Variants in ZNF335 observed in about 807,000 individuals in gnomAD.
ZNF335 encodes NRC-interacting factor 1.
ZNF335 carries 84 observed loss-of-function variants against 145.6 expected under a neutral mutation model. The ratio of observed to expected loss-of-function variants is 0.58; its 90% CI spans 0.48 to 0.69. The LOEUF is 0.69. Ranked by LOEUF, ZNF335 falls within the 30% of genes least tolerant of loss-of-function variation. ZNF335 has a pLI of 0.00. For missense variants in ZNF335, 1,865 were observed against 1,809.7 expected, an observed-to-expected ratio of 1.03 and a Z score of -0.55; for synonymous variants, 761 against 717.0, an observed-to-expected ratio of 1.06 and a Z score of -0.98.
chr20:45,962,027 A>C (rs1600537381), intron 10 of ZNF335, 43 bp downstream of exon 10: 2 of 1,170,026 alleles, frequency 1.7e-6, no homozygotes, highest in Non-Finnish European at 2.5e-6. Context: ...TCCCCACCCA[A>C]CCTGGCCTCT....
Position 45,950,316 on chromosome 20 carries a change from C to T in ZNF335, c.3390G>A (p.Gly1130=). The change falls in exon 22 of 28, where the codon GGG becomes GGA. Residue 1130 remains glycine (G), a synonymous_variant. Transcript: ENST00000322927. The stretch of plus-strand genomic sequence containing the variant: ...GGGCTGTAGGGGTTCCTGACTTCCT[C>T]CCATCAGGACTGTGCAGCCGCTGGA... The part of the protein sequence containing the change: ...FHIQRLHSPD[G]RKSGTPTARA... 6.4e-7 allele frequency: 1 copy of T among 1,566,950 alleles called. No homozygotes were observed. Among genetic ancestry groups the T allele is most frequent in the Non-Finnish European group, 8.7e-7 (1 of 1,154,098 alleles).
At chr20:45,960,062 G>A in intron 14 of ZNF335, 146 bp downstream of exon 14, 1 of 980,590 alleles carries the variant, frequency 1.0e-6, no homozygotes, top group Non-Finnish European at 1.5e-6. Context: ...TACGCCTATG[G>A]GAAATTCTCT....
chr20:45,950,769 G>T (rs1310511883), intron 20 of ZNF335, among the ~76,000 whole-genome samples, 174 bp from the exon 21 acceptor site: 1 of 152,226 alleles, frequency 6.6e-6, no homozygotes, highest in African/African-American at 2.4e-5. Context: ...CGTATCTGGT[G>T]CTGCTGTGTC....
At chr20:45,962,547 C>T (rs1013582356) in intron 9 of ZNF335, among the ~76,000 whole-genome samples, 16 of 152,318 alleles carry the variant, frequency 1.1e-4, no homozygotes, top group Middle Eastern at 6.8e-3. Context: ...ACCCACATAA[C>T]AGCCCACAGC....
chr20:45,952,824 G>C, intron 18 of ZNF335, 115 bp from the exon 19 acceptor site: 2 of 876,992 alleles, frequency 2.3e-6, no homozygotes, highest in Non-Finnish European at 3.5e-6. Flanking sequence ...CAAGTCAGAA[G>C]GGCCCAGGGT....
intron 10 of ZNF335, 102 bp from the exon 11 acceptor site, chr20:45,960,984 G>A (rs2083833351): frequency 1.3e-6 from 2 of 1,485,742 alleles, no homozygotes; most frequent in Non-Finnish European, 1.8e-6. Context: ...CCTACTCCCT[G>A]CCAAGGCCCC....
rs1568806872 is a variant in ZNF335, at chr20:45,952,198, G to A, written c.3138C>T (p.Ala1046=). The change falls in exon 20 of 28, where the codon GCC becomes GCT. Residue 1046 remains alanine (A), a synonymous_variant. Transcript: ENST00000322927. The part of the protein sequence containing the change: ...SHKRAHAGPG[A]FKCPDCPFSA... ...TGAAGGGGCAGTCGGGGCACTTGAA[G>A]GCACCAGGCCCAGCGTGGGCCCGCT... is the stretch of plus-strand genomic sequence containing the variant. 1 of 1,612,202 alleles carries A rather than the reference G, an allele frequency of 6.2e-7. No individual in the cohort carries two copies. Among genetic ancestry groups the A allele is most frequent in the Non-Finnish European group, 8.5e-7 (1 of 1,179,360 alleles).
In ZNF335 at chr20:45,965,669, G is replaced by C. The variant is rs775525385; in HGVS notation, c.1061C>G (p.Pro354Arg). Reference protein sequence around the residue: ...TPRPRRRPGRPRKLPRLEISD... With the variant: ...TPRPRRRPGRRRKLPRLEISD... Reference sequence around the variant, plus strand: ...GATCTCCAGGCGGGGCAGCTTCCGGGGCCGGCCAGGTCTCCTTCGGGGCCT... The same window carrying C: ...GATCTCCAGGCGGGGCAGCTTCCGGCGCCGGCCAGGTCTCCTTCGGGGCCT... Residue 354 changes from proline (P) to arginine (R), a missense_variant, in exon 7 of 28, where the codon CCC (proline) becomes CGC (arginine). Coordinates refer to ENST00000322927, the MANE Select transcript of ZNF335 (RefSeq NM_022095.4). 6.3e-7 allele frequency: 1 copy of C among 1,599,448 alleles called. No individual in the cohort carries two copies.
At chr20:45,958,890 A>G (rs1229061248) in intron 15 of ZNF335, among the ~76,000 whole-genome samples, 1 of 152,200 alleles carries the variant, frequency 6.6e-6, no homozygotes, top group East Asian at 1.9e-4. Flanking sequence ...CTGGGCAAAG[A>G]TACTGAGAAC....
chr20:45,967,774 G>C lies in ZNF335; in HGVS notation c.774C>G (p.Ala258=), dbSNP rs750368360. 1.2e-6 allele frequency: 2 copies of C among 1,613,368 alleles called. No individual in the cohort carries two copies. Among genetic ancestry groups the C allele is most frequent in the East Asian group, 4.5e-5 (2 of 44,888 alleles). The change falls in exon 5 of 28, where the codon GCC becomes GCG. Residue 258 remains alanine, a synonymous_variant. Coordinates refer to ENST00000322927, the MANE Select transcript of ZNF335 (RefSeq NM_022095.4). ...GTTCCCGCATGTGGCGCAGCAGTGT[G>C]GCCTTGGTGCTGCTCCGGTACTGGC... ...KMCQYRSSTK[A]TLLRHMRERH... is the part of the protein sequence containing the mutation.
chr20:45,950,745 G>A (rs1272317913), intron 20 of ZNF335, 150 bp from the exon 21 acceptor site: 4 of 980,154 alleles, frequency 4.1e-6, no homozygotes, highest in African/African-American at 1.6e-5. Context: ...TGGGTAGAAA[G>A]GCCAAGCCGG....
chr20:45,950,684 C>G, intron 20 of ZNF335, 89 bp from the exon 21 acceptor site: 3 of 1,567,714 alleles, frequency 1.9e-6, no homozygotes, highest in Non-Finnish European at 2.6e-6. Context: ...GGTCAGGGAA[C>G]CAGACAAAGT....
Position 45,959,350 on chromosome 20 carries a change from C to A in ZNF335, c.2104G>T (p.Ala702Ser). The A allele has an allele frequency of 6.3e-7, 1 of 1,583,878 alleles. No individual in the cohort carries two copies. The highest frequency in any genetic ancestry group is 2.4e-5 in the East Asian group (1 of 42,538). The change falls in exon 15 of 28, where the codon GCA becomes TCA. Residue 702 changes from alanine (A) to serine (S), a missense_variant. Coordinates refer to ENST00000322927, the MANE Select transcript of ZNF335 (RefSeq NM_022095.4). ...CTCCCCCATTCCTCGAAGCTGCTTGCGTGTCGGCACCGTACGTGCAGGCGC... is the reference window on the plus strand; with the variant it reads ...CTCCCCCATTCCTCGAAGCTGCTTGAGTGTCGGCACCGTACGTGCAGGCGC... ...NLRLHVRCRH[A>S]SSFEEWGRRH...
intron 6 of ZNF335, 42 bp downstream of exon 6, chr20:45,967,452 A>T (rs748796353): frequency 6.2e-7 from 1 of 1,613,848 alleles, no homozygotes; most frequent in Non-Finnish European, 8.5e-7. Flanking sequence ...GTATGTCTAG[A>T]TGGGCATAGG....
At position 45,950,333 on chromosome 20, in the gene ZNF335, G is replaced by A. The variant is rs2083607684; in HGVS notation, c.3373C>T (p.Leu1125=). ...GACTTCCTCCCATCAGGACTGTGCA[G>A]CCGCTGGATGTGGAACTTGAGGTGC... ...NGHLKFHIQR[L]HSPDGRKSGT... Residue 1125 remains leucine, a synonymous_variant, in exon 22 of 28, where the codon CTG becomes TTG. Transcript: ENST00000322927. 1.3e-6 allele frequency: 2 copies of A among 1,581,946 alleles called. No homozygotes were observed. Among genetic ancestry groups the A allele is most frequent in the Non-Finnish European group, 1.7e-6 (2 of 1,161,680 alleles).
Position 45,960,649 on chromosome 20 carries a change from C to T in ZNF335, c.1749G>A (p.Thr583=), listed in dbSNP as rs201141798. ...ACATGTGGGGCTTCTCAGTGCTGTGCGTCTTCATGTGCTGCGTGAGTCTTT... is the reference window on the plus strand; with the variant it reads ...ACATGTGGGGCTTCTCAGTGCTGTGTGTCTTCATGTGCTGCGTGAGTCTTT... ...MQKRLTQHMK[T]HSTEKPHMCD... The change falls in exon 12 of 28, where the codon ACG becomes ACA. Residue 583 remains threonine, a synonymous_variant. Transcript: ENST00000322927. 4.2e-5 allele frequency: 68 copies of T among 1,613,968 alleles called. No homozygotes were observed. Among genetic ancestry groups the T allele is most frequent in the Non-Finnish European group, 5.6e-5 (66 of 1,180,026 alleles).
rs2083794541 is a variant in ZNF335 at position 45,959,535 on chromosome 20, C to G, written c.2021-102G>C. 9.1e-6 allele frequency: 8 copies of G among 877,696 alleles called. No individual in the cohort carries two copies. The Admixed American group carries it at 2.8e-4, about 31-fold the overall frequency. The allele number at this position is 877,696 out of a possible 1,614,324, so 54.4% of individuals were successfully genotyped here. A position where few individuals can be genotyped will look rare whatever the true frequency, so the allele number is the denominator to read the frequency against. ...AAGGATCTCTCCAACTGACTGACTT[C>G]CAGCGATTCATTCCCGTATGTAGGC... On this transcript the variant is annotated intron_variant, in intron 14 of 27. Coordinates refer to ENST00000322927, the MANE Select transcript of ZNF335 (RefSeq NM_022095.4).
At chr20:45,952,794 A>C in intron 18 of ZNF335, 85 bp from the exon 19 acceptor site, 1 of 1,243,944 alleles carries the variant, frequency 8.0e-7, no homozygotes. Flanking sequence ...CTGAGGAGTG[A>C]CTGTCACCAC....
chr20:45,952,551 G>C, intron 19 of ZNF335, 30 bp from the exon 20 acceptor site: 1 of 1,609,166 alleles, frequency 6.2e-7, no homozygotes, highest in Non-Finnish European at 8.5e-7. Context: ...ATGAGGTACT[G>C]AGAAGGGGAG....
Sources: allele counts gnomAD v4.1 joint callset (sites outside exome capture counted in the v4.1 genomes callset), GRCh38; gene constraint gnomAD v4.1.1; transcripts MANE v1.5; gene names NCBI Gene and HGNC (gene_info 2026-07-23, HGNC 2026-07-21).